SYN2: variants seen among roughly 807,000 people sequenced by gnomAD.
The protein encoded by SYN2 is synapsin-2.
SYN2 carries 19 observed loss-of-function variants against 50.9 expected under a neutral mutation model. The ratio of observed to expected loss-of-function variants is 0.37; its 90% confidence interval spans 0.26 to 0.55. The LOEUF is 0.55. Among genes scored for constraint, SYN2 ranks in the 20% least tolerant of loss-of-function variants. SYN2 has a pLI of 0.81. For missense variants in SYN2, 587 were observed against 576.4 expected, an observed-to-expected ratio of 1.02 and a Z score of -0.19; for synonymous variants, 255 against 224.9, an observed-to-expected ratio of 1.13 and a Z score of -1.20.
At position 12,044,907 on chromosome 3, in the gene SYN2, T is replaced by C. The variant is rs1318201902; in HGVS notation, c.377+39979T>C. 2.6e-5 allele frequency among the ~76,000 whole-genome samples: 4 copies of C among 152,214 alleles called. No homozygotes were observed. The East Asian group carries it at 7.7e-4, about 29-fold the overall frequency. On this transcript the variant is annotated intron_variant, in intron 1 of 12. Transcript: ENST00000621198. ...TAATCTCTTTATATATATTTAAATT[T>C]CACAATTACCTGAAATAATAGGTAC...
At chr3:12,148,113 C>CAA (rs796417746) in intron 4 of SYN2, among the ~76,000 whole-genome samples, 1 of 137,562 alleles carries the variant, frequency 7.3e-6, no homozygotes, top group African/African-American at 2.7e-5. Flanking sequence ...GACTCTGTCT[C>CAA]AAAAAAAAAA....
intron 1 of SYN2, among the ~76,000 whole-genome samples, chr3:12,092,600 C>T (rs944504077): frequency 2.0e-5 from 3 of 152,158 alleles, no homozygotes; most frequent in African/African-American, 7.2e-5. Context: ...ATTAGCTATA[C>T]CACTTATTTG....
chr3:12,124,893 G>A (rs1197273658), intron 1 of SYN2, among the ~76,000 whole-genome samples: 2 of 152,146 alleles, frequency 1.3e-5, no homozygotes, highest in Admixed American at 6.5e-5. Flanking sequence ...TTTCAACAGT[G>A]TATATTAATA....
At chr3:12,043,702 T>A (rs905941596) in intron 1 of SYN2, among the ~76,000 whole-genome samples, 9 of 152,156 alleles carry the variant, frequency 5.9e-5, no homozygotes, top group Admixed American at 5.9e-4. Flanking sequence ...ACTGGGTTGG[T>A]TAAAGAAATG....
intron 1 of SYN2, among the ~76,000 whole-genome samples, chr3:12,115,309 A>G (rs1696408418): frequency 6.6e-6 from 1 of 152,188 alleles, no homozygotes; most frequent in Non-Finnish European, 1.5e-5. Context: ...AAGCAAGGAT[A>G]TATTTCATCA....
intron 11 of SYN2, chr3:12,183,975 AT>A: frequency 2.0e-6 from 2 of 986,144 alleles, no homozygotes; most frequent in Non-Finnish European, 2.4e-6. Context: ...ACATTAAGAG[AT>A]TTTCAAGATC....
intron 1 of SYN2, among the ~76,000 whole-genome samples, chr3:12,024,070 A>C (rs1694202760): frequency 6.6e-6 from 1 of 152,104 alleles, no homozygotes; most frequent in African/African-American, 2.4e-5. Flanking sequence ...TTTAGTATAA[A>C]ATTATAAAGT....
Position 12,158,230 on chromosome 3 carries a change from T to C in SYN2, c.775-3316T>C, listed in dbSNP as rs1194658104. ...GATGAGTAGGAGTCTGCCAGGAATT[T>C]AAGGGTGTGAGGGAGGGCATTCCAG... On this transcript the variant is annotated intron_variant, in intron 5 of 12. Transcript: ENST00000621198. Among the ~76,000 whole-genome samples, 5 of 152,254 alleles carry C rather than the reference T, an allele frequency of 3.3e-5. No individual in the cohort carries two copies. The East Asian group carries it at 7.7e-4, about 24-fold the overall frequency.
intron 1 of SYN2, among the ~76,000 whole-genome samples, chr3:12,050,906 T>C (rs1305066748): frequency 2.0e-5 from 3 of 150,960 alleles, no homozygotes; most frequent in African/African-American, 7.3e-5. Flanking sequence ...CGGCTACTTT[T>C]TTGTATTTTT....
At chr3:12,065,326 T>C (rs1469554509) in intron 1 of SYN2, among the ~76,000 whole-genome samples, 1 of 152,110 alleles carries the variant, frequency 6.6e-6, no homozygotes, top group Non-Finnish European at 1.5e-5. Flanking sequence ...ACAGAACTAC[T>C]ATTGAACCCA....
intron 1 of SYN2, among the ~76,000 whole-genome samples, chr3:12,100,645 T>C (rs556077102): frequency 6.6e-6 from 1 of 152,284 alleles, no homozygotes; most frequent in East Asian, 1.9e-4. Flanking sequence ...ATTGAAATTA[T>C]GTTCTTCATG....
At position 12,187,478 on chromosome 3, in the gene SYN2, C is replaced by T. The variant is rs780133691; in HGVS notation, c.1479C>T (p.Ser493=). The change falls in exon 12 of 13, where the codon TCC becomes TCT. Residue 493 remains serine, a synonymous_variant. Coordinates refer to ENST00000621198, the MANE Select transcript of SYN2 (RefSeq NM_133625.6). ...CTTCCTCCTCTTCCTCCTCTTCTTCCTCCTCCTCGGCTCCTCAGCGGCCGG... is the reference window on the plus strand; with the variant it reads ...CTTCCTCCTCTTCCTCCTCTTCTTCTTCCTCCTCGGCTCCTCAGCGGCCGG... ...LPPSSSSSSS[S]SSSAPQRPGG... The T allele has an allele frequency of 2.6e-5, 40 of 1,552,136 alleles. No homozygotes were observed. In the South Asian group the frequency reaches 4.8e-4, roughly 18 times the overall value.
intron 1 of SYN2, among the ~76,000 whole-genome samples, chr3:12,111,060 T>C (rs1165120547): frequency 1.3e-5 from 2 of 152,080 alleles, no homozygotes; most frequent in Non-Finnish European, 2.9e-5. Flanking sequence ...TGGAATGATA[T>C]GGTTTGGCTG....
intron 1 of SYN2, among the ~76,000 whole-genome samples, chr3:12,020,378 G>C (rs1017574835): frequency 7.8e-6 from 1 of 128,322 alleles, no homozygotes; most frequent in African/African-American, 3.1e-5. Flanking sequence ...CTCTTCTTCT[G>C]TCCCCCCAGT....
intron 1 of SYN2, among the ~76,000 whole-genome samples, chr3:12,059,001 T>A (rs75294230): frequency 1.3e-3 from 196 of 152,344 alleles, no homozygotes; most frequent in Middle Eastern, 3.4e-3. Flanking sequence ...TAAATCTACC[T>A]GTCTGGTTAT....
chr3:12,171,966 G>A (rs545407222), intron 10 of SYN2, among the ~76,000 whole-genome samples: 5 of 152,360 alleles, frequency 3.3e-5, no homozygotes, highest in Non-Finnish European at 7.3e-5. Context: ...ATGTGTCAGA[G>A]TCAAGGCAGA....
intron 5 of SYN2, chr3:12,158,871 G>C: frequency 6.6e-7 from 1 of 1,524,830 alleles, no homozygotes; most frequent in East Asian, 2.4e-5. Flanking sequence ...GAGCCTGTGA[G>C]GTCTGGGGGA....
chr3:12,125,694 C>T (rs770937786), intron 1 of SYN2, among the ~76,000 whole-genome samples: 10 of 152,180 alleles, frequency 6.6e-5, no homozygotes, highest in Non-Finnish European at 1.5e-4. Context: ...AAGAAGTGGT[C>T]TCAAGGGGCC....
intron 1 of SYN2, among the ~76,000 whole-genome samples, chr3:12,118,849 A>T (rs1696489639): frequency 6.6e-6 from 1 of 152,254 alleles, no homozygotes; most frequent in African/African-American, 2.4e-5. Flanking sequence ...AAGTGAAAGG[A>T]TACAGGTAAA....
Sources: gnomAD v4.1 joint callset for allele counts (sites outside exome capture counted in the v4.1 genomes callset) on GRCh38, gnomAD v4.1.1 for gene constraint, MANE v1.5 for transcripts, NCBI Gene and HGNC (gene_info 2026-07-23, HGNC 2026-07-21) for gene names.